EPHA3: variants seen among roughly 807,000 people sequenced by gnomAD.
EPHA3 encodes EPH receptor A3.
A neutral mutation model predicts 107.1 loss-of-function variants in EPHA3; 42 were observed. The observed-to-expected ratio is 0.39, with a 90% CI of 0.31 to 0.51. The LOEUF (loss-of-function observed/expected upper bound fraction) is 0.51, where lower values mean the gene tolerates loss of function less well. Ranked by LOEUF, EPHA3 falls within the 20% of genes least tolerant of loss-of-function variation. The pLI, the probability that EPHA3 is intolerant of heterozygous loss-of-function variation, is 0.78. For synonymous variants in EPHA3, 461 were observed against 424.8 expected (o/e 1.09, Z -1.05); for missense variants, 1,183 against 1,211.2 (o/e 0.98, Z 0.35).
chr3:89,417,900 C>A (rs1283657382), intron 10 of EPHA3, among the ~76,000 whole-genome samples: 2 of 151,380 alleles, frequency 1.3e-5, no homozygotes, highest in Non-Finnish European at 3.0e-5. Flanking sequence ...TAAGTCATTG[C>A]TTTGAAAACA....
At chr3:89,443,281 T>G (rs1461996026) in intron 13 of EPHA3, among the ~76,000 whole-genome samples, 1 of 152,156 alleles carries the variant, frequency 6.6e-6, no homozygotes, top group Non-Finnish European at 1.5e-5. Flanking sequence ...TTCTACGAAC[T>G]CTAAAACACA....
intron 2 of EPHA3, among the ~76,000 whole-genome samples, chr3:89,140,713 A>G (rs1346226039): frequency 6.6e-6 from 1 of 151,774 alleles, no homozygotes; most frequent in African/African-American, 2.4e-5. Flanking sequence ...GTGTAATAGC[A>G]TTATTTCAGA....
intron 1 of EPHA3, among the ~76,000 whole-genome samples, chr3:89,119,194 T>A (rs1197606134): frequency 1.3e-5 from 2 of 152,086 alleles, no homozygotes; most frequent in Admixed American, 6.5e-5. Context: ...GAAGCTAACA[T>A]AAATTCTTTA....
chr3:89,142,732 C>T (rs972924786), intron 2 of EPHA3, among the ~76,000 whole-genome samples: 16 of 151,304 alleles, frequency 1.1e-4, no homozygotes, highest in African/African-American at 3.4e-4. Context: ...AATGTAAAAG[C>T]CATTTATTTA....
chr3:89,170,419 A>G (rs944533619), intron 2 of EPHA3, among the ~76,000 whole-genome samples: 3 of 152,132 alleles, frequency 2.0e-5, no homozygotes, highest in Non-Finnish European at 4.4e-5. Flanking sequence ...TTTGGACCCA[A>G]ACCTTCAAGG....
At chr3:89,222,956 T>G (rs1171740214) in intron 3 of EPHA3, among the ~76,000 whole-genome samples, 2 of 152,180 alleles carry the variant, frequency 1.3e-5, no homozygotes, top group Non-Finnish European at 2.9e-5. Context: ...ATGTTATTGG[T>G]GTTATAGATT....
rs950756912 is a variant in EPHA3, at chr3:89,299,132, C to T, written c.815-41784C>T. 4.6e-5 allele frequency among the ~76,000 whole-genome samples: 7 copies of T among 152,008 alleles called. No homozygotes were observed. In the East Asian group the frequency reaches 1.4e-3, roughly 29 times the overall value. On this transcript the variant is annotated intron_variant, in intron 3 of 16. Coordinates refer to ENST00000336596, the MANE Select transcript of EPHA3 (RefSeq NM_005233.6). ...TTAAGTTTGTCTTTTTATATAAAGG[C>T]AATAGTAAACCATTAAAATTTTTGG...
intron 3 of EPHA3, among the ~76,000 whole-genome samples, chr3:89,284,077 A>T (rs1446708945): frequency 6.6e-6 from 1 of 152,172 alleles, no homozygotes; most frequent in Non-Finnish European, 1.5e-5. Flanking sequence ...AATAATGATC[A>T]GAAACTGTTA....
chr3:89,411,244 A>G (rs1034815328), intron 9 of EPHA3, among the ~76,000 whole-genome samples: 3 of 151,684 alleles, frequency 2.0e-5, no homozygotes, highest in Admixed American at 1.3e-4. Context: ...TGAAGTTCTC[A>G]CTTCAACAGC....
At chr3:89,249,070 C>A (rs551367073) in intron 3 of EPHA3, among the ~76,000 whole-genome samples, 1 of 152,178 alleles carries the variant, frequency 6.6e-6, no homozygotes, top group African/African-American at 2.4e-5. Flanking sequence ...GTAGTTCTTA[C>A]CAATGAGCTG....
At chr3:89,321,180 T>G (rs1707035584) in intron 3 of EPHA3, among the ~76,000 whole-genome samples, 1 of 152,052 alleles carries the variant, frequency 6.6e-6, no homozygotes, top group South Asian at 2.1e-4. Context: ...TAAGGTTCTA[T>G]GCTGCGAGCA....
rs1709189400 is a variant in EPHA3 at position 89,413,280 on chromosome 3, C to G, written c.1888+14C>G. ...TTGTTGGAGCAGGTAACCACAATGA[C>G]CCTACTGCCAACTTAGTACTGTATG... On this transcript the variant is annotated intron_variant, in intron 10 of 16. Transcript: ENST00000336596. 3 of 1,611,116 alleles carry G rather than the reference C, an allele frequency of 1.9e-6. No individual in the cohort carries two copies. Among genetic ancestry groups the G allele is most frequent in the Non-Finnish European group, 2.5e-6 (3 of 1,177,878 alleles).
intron 3 of EPHA3, among the ~76,000 whole-genome samples, chr3:89,238,630 C>T (rs761182063): frequency 4.6e-5 from 7 of 152,238 alleles, no homozygotes; most frequent in East Asian, 1.9e-4. Context: ...TCATTTATGA[C>T]GATTTACCTG....
intron 11 of EPHA3, among the ~76,000 whole-genome samples, chr3:89,423,497 G>A (rs979696588): frequency 4.0e-5 from 6 of 151,230 alleles, no homozygotes; most frequent in South Asian, 2.1e-4. Flanking sequence ...CAATACATAC[G>A]TTGTACTTAC....
At chr3:89,197,603 G>A (rs906745152) in intron 2 of EPHA3, among the ~76,000 whole-genome samples, 4 of 152,156 alleles carry the variant, frequency 2.6e-5, no homozygotes, top group Non-Finnish European at 5.9e-5. Context: ...ATGGTAAAGT[G>A]TGGAATACTA....
At chr3:89,316,365 A>G (rs1224789336) in intron 3 of EPHA3, among the ~76,000 whole-genome samples, 1 of 151,224 alleles carries the variant, frequency 6.6e-6, no homozygotes, top group Non-Finnish European at 1.5e-5. Flanking sequence ...TGACATTCCA[A>G]TCAGTGGGGC....
intron 3 of EPHA3, among the ~76,000 whole-genome samples, chr3:89,239,935 G>A (rs1019335178): frequency 5.3e-5 from 8 of 152,128 alleles, no homozygotes; most frequent in African/African-American, 1.9e-4. Flanking sequence ...AGAGGACTGA[G>A]CAGTTGTATT....
chr3:89,208,427 A>AAGGAAGGAAGGAAGGAAGG (rs1559600798), intron 2 of EPHA3, among the ~76,000 whole-genome samples: 38 of 20,100 alleles, frequency 1.9e-3, no homozygotes, highest in African/African-American at 5.2e-3. Context: ...AGGAAGGAAG[A>AAGGAAGGAAGGAAGGAAGG]AAGAAAGAAA....
At chr3:89,438,964 A>G (rs1709726938) in intron 13 of EPHA3, among the ~76,000 whole-genome samples, 1 of 152,242 alleles carries the variant, frequency 6.6e-6, no homozygotes, top group Non-Finnish European at 1.5e-5. Flanking sequence ...ATCCAGGTTT[A>G]TGTGGTGAAA....
Sources: gnomAD v4.1 joint callset for allele counts (sites outside exome capture counted in the v4.1 genomes callset) on GRCh38, gnomAD v4.1.1 for gene constraint, MANE v1.5 for transcripts, NCBI Gene and HGNC (gene_info 2026-07-23, HGNC 2026-07-21) for gene names.